The following MYO3B variants were observed in gnomAD, a reference collection of about 807,000 sequenced individuals.
MYO3B encodes the protein myosin-IIIb.
Under a neutral mutation model 174.6 loss-of-function variants are expected in MYO3B, and 156 were observed. The observed-to-expected ratio is 0.89, with a 90% confidence interval of 0.78 to 1.02. The LOEUF (loss-of-function observed/expected upper bound fraction) is 1.02. MYO3B is among the 50% of genes least tolerant of loss of function. The pLI is 0.00. For missense variants in MYO3B, 1,632 were observed against 1,639.4 expected, an observed-to-expected ratio of 1.00 and a Z score of 0.08; for synonymous variants, 563 against 569.1, an observed-to-expected ratio of 0.99 and a Z score of 0.15.
intron 30 of MYO3B, chr2:170,519,972 C>CAA (rs11315187): frequency 2.7e-4 from 25 of 92,246 alleles, no homozygotes; most frequent in South Asian, 7.6e-4. Context: ...GACTCTGTCT[C>CAA]AAAAAAAAAA....
At chr2:170,557,829 A>G (rs1691431988) in intron 32 of MYO3B, among the ~76,000 whole-genome samples, 1 of 152,152 alleles carries the variant, frequency 6.6e-6, no homozygotes, top group Non-Finnish European at 1.5e-5. Context: ...AGAGTCAGAA[A>G]AGATGTTTCC....
At chr2:170,379,911 A>G (rs535584332) in intron 9 of MYO3B, among the ~76,000 whole-genome samples, 1 of 152,360 alleles carries the variant, frequency 6.6e-6, no homozygotes, top group Admixed American at 6.5e-5. Flanking sequence ...AATAGGCTAG[A>G]AAGAGAGAAA....
intron 29 of MYO3B, among the ~76,000 whole-genome samples, chr2:170,519,214 C>T (rs1688506301): frequency 1.3e-5 from 2 of 152,044 alleles, no homozygotes; most frequent in Non-Finnish European, 2.9e-5. Flanking sequence ...GCTTGTTTTC[C>T]TATAAGCATG....
intron 8 of MYO3B, among the ~76,000 whole-genome samples, chr2:170,357,432 A>G (rs2105629076): frequency 6.7e-6 from 1 of 149,910 alleles, no homozygotes; most frequent in African/African-American, 2.4e-5. Flanking sequence ...TTTATCTTTC[A>G]CATTGTCTGA....
chr2:170,287,198 T>A (rs2093562901), intron 7 of MYO3B, among the ~76,000 whole-genome samples: 1 of 152,134 alleles, frequency 6.6e-6, no homozygotes, highest in Non-Finnish European at 1.5e-5. Flanking sequence ...TGGGGGTGCA[T>A]GTATCTCTTT....
chr2:170,549,591 C>G (rs1690750121), intron 32 of MYO3B, among the ~76,000 whole-genome samples: 1 of 152,154 alleles, frequency 6.6e-6, no homozygotes, highest in African/African-American at 2.4e-5. Flanking sequence ...AGCAATTCAG[C>G]TATCAGAAAG....
intron 7 of MYO3B, among the ~76,000 whole-genome samples, chr2:170,288,809 A>G (rs1451128956): frequency 2.0e-5 from 3 of 151,994 alleles, no homozygotes; most frequent in Non-Finnish European, 1.5e-5. Context: ...CTTAGAGGAA[A>G]AGCTGAAAGC....
intron 32 of MYO3B, among the ~76,000 whole-genome samples, chr2:170,649,379 T>C (rs1453185854): frequency 5.1e-5 from 3 of 58,326 alleles, no homozygotes; most frequent in Non-Finnish European, 8.8e-5. Context: ...AAAATATAAA[T>C]ATATTATATA....
At chr2:170,633,190 A>G (rs1182565234) in intron 32 of MYO3B, among the ~76,000 whole-genome samples, 1 of 152,238 alleles carries the variant, frequency 6.6e-6, no homozygotes, top group Admixed American at 6.5e-5. Flanking sequence ...TTAGACCAAT[A>G]TCCCTGACGA....
chr2:170,291,514 A>C (rs897836190), intron 7 of MYO3B, among the ~76,000 whole-genome samples: 7 of 152,170 alleles, frequency 4.6e-5, no homozygotes, highest in African/African-American at 1.7e-4. Context: ...TACTTTTACC[A>C]GTGGTTTTTA....
chr2:170,550,337 A>G (rs190110510), intron 32 of MYO3B, among the ~76,000 whole-genome samples: 134 of 152,346 alleles, frequency 8.8e-4, no homozygotes, highest in African/African-American at 3.1e-3. Flanking sequence ...AATGGCTCTC[A>G]AACTTCACTG....
intron 30 of MYO3B, among the ~76,000 whole-genome samples, chr2:170,527,738 A>G (rs1187483050): frequency 1.3e-5 from 2 of 152,246 alleles, no homozygotes; most frequent in South Asian, 4.1e-4. Flanking sequence ...TAATAATGGT[A>G]CTTACCTCAT....
intron 7 of MYO3B, among the ~76,000 whole-genome samples, chr2:170,326,322 A>G (rs914254598): frequency 2.0e-5 from 3 of 152,138 alleles, no homozygotes; most frequent in Admixed American, 6.5e-5. Context: ...TTAAAATAAT[A>G]ATTTTTTTAA....
intron 32 of MYO3B, among the ~76,000 whole-genome samples, chr2:170,603,235 G>A (rs994581772): frequency 4.0e-5 from 6 of 151,674 alleles, no homozygotes; most frequent in Non-Finnish European, 1.5e-5. Flanking sequence ...TGAAATCCAC[G>A]CCCCCCCAAC....
At chr2:170,531,490 A>G (rs1689350368) in intron 30 of MYO3B, among the ~76,000 whole-genome samples, 1 of 152,220 alleles carries the variant, frequency 6.6e-6, no homozygotes, top group Admixed American at 6.5e-5. Context: ...AAATAGCACA[A>G]TATCTACCTC....
At chr2:170,390,381 C>T (rs1253243464) in intron 14 of MYO3B, among the ~76,000 whole-genome samples, 1 of 152,094 alleles carries the variant, frequency 6.6e-6, no homozygotes, top group Non-Finnish European at 1.5e-5. Flanking sequence ...TGAGCTATGA[C>T]CTCACCACTG....
chr2:170,558,293 A>G (rs1320901043), intron 32 of MYO3B, among the ~76,000 whole-genome samples: 3 of 149,732 alleles, frequency 2.0e-5, no homozygotes, highest in Non-Finnish European at 3.0e-5. Flanking sequence ...ACAGAGTGAG[A>G]CTCTGTCTCC....
intron 32 of MYO3B, among the ~76,000 whole-genome samples, chr2:170,651,415 G>A (rs925641201): frequency 7.2e-5 from 11 of 152,198 alleles, no homozygotes; most frequent in African/African-American, 1.4e-4. Context: ...TCAGAAAGCT[G>A]AATGCAAAGT....
chr2:170,459,692 G>A (rs1465835722), intron 23 of MYO3B, among the ~76,000 whole-genome samples: 4 of 152,116 alleles, frequency 2.6e-5, no homozygotes, highest in Non-Finnish European at 5.9e-5. Context: ...GGTGCCCGTC[G>A]AGGAGGCTCA....
Sources: allele counts gnomAD v4.1 joint callset (sites outside exome capture counted in the v4.1 genomes callset), GRCh38; gene constraint gnomAD v4.1.1; transcripts MANE v1.5; gene names NCBI Gene and HGNC (gene_info 2026-07-23, HGNC 2026-07-21).